Variants in KCNMA1 observed in about 807,000 individuals in gnomAD.
The protein encoded by KCNMA1 is potassium calcium-activated channel subfamily M alpha 1, also known as Calcium-activated potassium channel subunit alpha-1.
In KCNMA1, 29 loss-of-function variants were observed where a neutral mutation model predicts 140.0. That is an observed-to-expected ratio of 0.21 (90% CI 0.15 to 0.28). The LOEUF (loss-of-function observed/expected upper bound fraction) is 0.28. Among genes scored for constraint, KCNMA1 ranks in the 10% least tolerant of loss-of-function variants. KCNMA1 has a pLI of 1.00. For missense variants in KCNMA1, 880 were observed against 1,602.2 expected (o/e 0.55, Z 7.70); for synonymous variants, 612 against 611.9 (o/e 1.00, Z 0.00).
intron 6 of KCNMA1, among the ~76,000 whole-genome samples, chr10:77,114,595 G>A (rs1402389926): frequency 6.6e-6 from 1 of 152,086 alleles, no homozygotes; most frequent in Non-Finnish European, 1.5e-5. Flanking sequence ...TACTCAACTT[G>A]AAAGCCCTTC....
intron 2 of KCNMA1, among the ~76,000 whole-genome samples, chr10:77,305,134 T>G (rs895981276): frequency 1.3e-5 from 2 of 152,116 alleles, no homozygotes; most frequent in African/African-American, 4.8e-5. Context: ...GCCAAACATT[T>G]TATTTCACCA....
At chr10:77,038,234 G>A (rs572661704) in intron 15 of KCNMA1, among the ~76,000 whole-genome samples, 3 of 152,118 alleles carry the variant, frequency 2.0e-5, no homozygotes, top group Non-Finnish European at 4.4e-5. Flanking sequence ...AAAGAAAACC[G>A]TGATACAGAG....
intron 6 of KCNMA1, among the ~76,000 whole-genome samples, chr10:77,113,545 C>T (rs1462747650): frequency 2.0e-5 from 3 of 152,156 alleles, no homozygotes; most frequent in South Asian, 2.1e-4. Flanking sequence ...CTCACTGCAA[C>T]CTCTGCCTGC....
chr10:77,166,894 G>A (rs1408807409), intron 5 of KCNMA1, among the ~76,000 whole-genome samples: 1 of 152,142 alleles, frequency 6.6e-6, no homozygotes, highest in East Asian at 1.9e-4. Flanking sequence ...CATCCATATT[G>A]TCAAACTAGG....
intron 1 of KCNMA1, among the ~76,000 whole-genome samples, chr10:77,563,408 C>A (rs1268338923): frequency 6.6e-6 from 1 of 152,138 alleles, no homozygotes; most frequent in Non-Finnish European, 1.5e-5. Context: ...AACCCGTCCT[C>A]ATCACCATTT....
chr10:77,492,456 G>A (rs1290023595), intron 1 of KCNMA1, among the ~76,000 whole-genome samples: 1 of 152,184 alleles, frequency 6.6e-6, no homozygotes, highest in African/African-American at 2.4e-5. Flanking sequence ...CATTTACTCT[G>A]TACTGAGGAT....
At chr10:77,264,587 G>C (rs77895858) in intron 2 of KCNMA1, among the ~76,000 whole-genome samples, 3,203 of 152,078 alleles carry the variant, frequency 0.021, 53 homozygotes, top group Middle Eastern at 0.037. Context: ...AAAATGCGTG[G>C]AGATCTTTCA....
intron 10 of KCNMA1, among the ~76,000 whole-genome samples, chr10:77,088,251 A>C (rs774144767): frequency 6.6e-6 from 1 of 152,126 alleles, no homozygotes; most frequent in African/African-American, 2.4e-5. Context: ...ATGAGCCACC[A>C]TGCCTGGCCA....
At chr10:77,590,981 C>G (rs11814189) in intron 1 of KCNMA1, among the ~76,000 whole-genome samples, 1 of 152,036 alleles carries the variant, frequency 6.6e-6, no homozygotes, top group African/African-American at 2.4e-5. Flanking sequence ...TGGTGCCAGG[C>G]GAGAAAACAG....
chr10:77,442,752 C>T (rs1174902845), intron 1 of KCNMA1, among the ~76,000 whole-genome samples: 3 of 152,142 alleles, frequency 2.0e-5, no homozygotes, highest in Admixed American at 2.0e-4. Flanking sequence ...CACACATTTG[C>T]TAAGTTGTTG....
intron 5 of KCNMA1, among the ~76,000 whole-genome samples, chr10:77,146,921 T>C (rs1394971143): frequency 1.3e-5 from 2 of 152,106 alleles, no homozygotes; most frequent in Non-Finnish European, 1.5e-5. Context: ...CCCATTGAAA[T>C]ACATTTCCTT....
At chr10:77,580,489 T>G (rs756530220) in intron 1 of KCNMA1, among the ~76,000 whole-genome samples, 15 of 151,340 alleles carry the variant, frequency 9.9e-5, no homozygotes, top group Non-Finnish European at 1.8e-4. Flanking sequence ...TTTCAGCAAA[T>G]AAAAAATGAA....
chr10:77,594,798 G>A (rs974391324), intron 1 of KCNMA1, among the ~76,000 whole-genome samples: 1 of 152,204 alleles, frequency 6.6e-6, no homozygotes, highest in Non-Finnish European at 1.5e-5. Context: ...AATGTGGGCA[G>A]AGTATCTGCT....
At chr10:76,920,888 T>A (rs1244413180) in intron 23 of KCNMA1, among the ~76,000 whole-genome samples, 1 of 152,222 alleles carries the variant, frequency 6.6e-6, no homozygotes, top group African/African-American at 2.4e-5. Flanking sequence ...GGACCCATTG[T>A]AGTTATGCTT....
intron 18 of KCNMA1, among the ~76,000 whole-genome samples, chr10:77,004,077 T>C (rs1388915992): frequency 1.3e-5 from 2 of 152,134 alleles, no homozygotes; most frequent in African/African-American, 4.8e-5. Context: ...AGATTAACTG[T>C]TAATTATAAG....
intron 1 of KCNMA1, among the ~76,000 whole-genome samples, chr10:77,506,342 G>T (rs577602367): frequency 6.6e-6 from 1 of 152,096 alleles, no homozygotes; most frequent in African/African-American, 2.4e-5. Context: ...CCCTACTCTG[G>T]GTATGGTTAG....
chr10:77,165,091 T>G (rs75321967), intron 5 of KCNMA1, among the ~76,000 whole-genome samples: 1 of 152,178 alleles, frequency 6.6e-6, no homozygotes, highest in Non-Finnish European at 1.5e-5. Flanking sequence ...TACTTTTTTT[T>G]GGCCACTTGT....
intron 24 of KCNMA1, 71 bp from the exon 25 acceptor site, chr10:76,910,167 G>A: frequency 6.4e-7 from 1 of 1,552,204 alleles, no homozygotes; most frequent in Non-Finnish European, 8.9e-7. Context: ...GGGAGACCAG[G>A]CTACTGGTTT....
intron 3 of KCNMA1, among the ~76,000 whole-genome samples, chr10:77,199,424 C>A (rs1180219445): frequency 6.6e-6 from 1 of 152,170 alleles, no homozygotes; most frequent in East Asian, 1.9e-4. Flanking sequence ...TACTGATTAC[C>A]TTGTATGACC....
Sources: gnomAD v4.1 joint callset for allele counts (sites outside exome capture counted in the v4.1 genomes callset) on GRCh38, gnomAD v4.1.1 for gene constraint, MANE v1.5 for transcripts, NCBI Gene and HGNC (gene_info 2026-07-23, HGNC 2026-07-21) for gene names.